The following MPRIP variants were observed in gnomAD, a reference collection of about 807,000 sequenced individuals.
MPRIP encodes the protein myosin phosphatase Rho-interacting protein.
Under a neutral mutation model 234.9 loss-of-function variants are expected in MPRIP, and 59 were observed. The ratio of observed to expected loss-of-function variants is 0.25; its 90% CI spans 0.20 to 0.31. MPRIP has a LOEUF of 0.31. MPRIP is among the 10% of genes least tolerant of loss of function. The pLI is 1.00. For synonymous variants in MPRIP, 1,144 were observed against 1,263.9 expected (o/e 0.91, Z 2.01); for missense variants, 2,436 against 3,071.0 (o/e 0.79, Z 4.89).
intron 3 of MPRIP, among the ~76,000 whole-genome samples, chr17:17,125,305 C>G (rs2090470356): frequency 6.6e-6 from 1 of 152,234 alleles, no homozygotes; most frequent in African/African-American, 2.4e-5. Flanking sequence ...TCCCTGTGAG[C>G]CCAGCCTCCA....
intron 16 of MPRIP, among the ~76,000 whole-genome samples, chr17:17,169,708 TAGAC>T (rs2046087875): frequency 6.6e-6 from 1 of 152,174 alleles, no homozygotes; most frequent in Non-Finnish European, 1.5e-5. Context: ...AACTTGTAAA[TAGAC>T]AGCACCTTGA....
chr17:17,172,756 C>G lies in MPRIP; in HGVS notation c.6531C>G (p.Ser2177Arg). 1 of 1,612,326 alleles carries G rather than the reference C, an allele frequency of 6.2e-7. No homozygotes were observed. The highest frequency in any genetic ancestry group is 8.5e-7 in the Non-Finnish European group (1 of 1,180,008). ...AAATGGAGCGGGAGCTGGAGAAGAGCCAGCGGTCCCAGATCAGCAGCGTCA... is the reference window on the plus strand; with the variant it reads ...AAATGGAGCGGGAGCTGGAGAAGAGGCAGCGGTCCCAGATCAGCAGCGTCA... ...REEMERELEKSQRSQISSVNS... is the reference protein window; with the variant it reads ...REEMERELEKRQRSQISSVNS... The change falls in exon 18 of 24, where the codon AGC becomes AGG. Residue 2177 changes from serine to arginine, a missense_variant. Transcript: ENST00000651222.
intron 1 of MPRIP, among the ~76,000 whole-genome samples, chr17:17,064,207 T>TTG (rs1555562429): frequency 1.9e-4 from 22 of 117,964 alleles, no homozygotes; most frequent in African/African-American, 7.0e-4. Context: ...TTTTGTTTTG[T>TTG]TTTTTTTTTT....
chr17:17,090,634 C>G (rs1055956693), intron 3 of MPRIP, among the ~76,000 whole-genome samples: 1 of 152,212 alleles, frequency 6.6e-6, no homozygotes, highest in Non-Finnish European at 1.5e-5. Flanking sequence ...TTGGAACCAG[C>G]AAGCGTCTGT....
chr17:17,151,906 C>G (rs1478169341), intron 12 of MPRIP, among the ~76,000 whole-genome samples: 1 of 152,254 alleles, frequency 6.6e-6, no homozygotes, highest in East Asian at 1.9e-4. Flanking sequence ...AGGCTAGACT[C>G]TGGTGGGCTC....
At chr17:17,049,083 T>A (rs1221753215) in intron 1 of MPRIP, among the ~76,000 whole-genome samples, 1 of 152,082 alleles carries the variant, frequency 6.6e-6, no homozygotes, top group African/African-American at 2.4e-5. Flanking sequence ...ACATGAAAGG[T>A]CATGTGTCAC....
At chr17:17,089,948 T>C (rs1158250613) in intron 3 of MPRIP, among the ~76,000 whole-genome samples, 1 of 152,066 alleles carries the variant, frequency 6.6e-6, no homozygotes, top group Non-Finnish European at 1.5e-5. Flanking sequence ...TTTCCCTGAC[T>C]CAAGTCAGCG....
chr17:17,066,166 A>G (rs1567691732), intron 1 of MPRIP, among the ~76,000 whole-genome samples: 1 of 152,182 alleles, frequency 6.6e-6, no homozygotes, highest in Non-Finnish European at 1.5e-5. Flanking sequence ...AAATTCGCGC[A>G]CTATGTTGAA....
intron 16 of MPRIP, chr17:17,168,363 C>T (rs1471980511): frequency 4.2e-6 from 1 of 235,930 alleles, no homozygotes; most frequent in African/African-American, 2.3e-5. Context: ...AGAGCCAGGG[C>T]CCAGTTGGAG....
chr17:17,070,786 C>G (rs1310945814), intron 1 of MPRIP, among the ~76,000 whole-genome samples: 2 of 152,198 alleles, frequency 1.3e-5, no homozygotes, highest in Non-Finnish European at 2.9e-5. Flanking sequence ...TGTGACCTTC[C>G]TGGTTCTTGG....
intron 3 of MPRIP, among the ~76,000 whole-genome samples, chr17:17,085,610 G>A (rs1266318859): frequency 6.6e-5 from 10 of 152,220 alleles, no homozygotes; most frequent in Non-Finnish European, 1.5e-4. Flanking sequence ...CCTGGCAGCT[G>A]CAGAAAAGAA....
intron 1 of MPRIP, among the ~76,000 whole-genome samples, chr17:17,065,341 G>A (rs981550968): frequency 4.6e-4 from 64 of 138,924 alleles, no homozygotes; most frequent in African/African-American, 1.6e-3. Context: ...ATTTTGTCTT[G>A]TTTTTTGTAT....
At chr17:17,123,075 G>C (rs2144365181) in intron 3 of MPRIP, among the ~76,000 whole-genome samples, 1 of 152,108 alleles carries the variant, frequency 6.6e-6, no homozygotes, top group African/African-American at 2.4e-5. Context: ...GCAATGCGGA[G>C]GAACCTTGAA....
chr17:17,088,494 C>T lies in MPRIP; in HGVS notation c.267+10418C>T, dbSNP rs116528730. ...AAAAGTCATTTCATGGGAGGTGCAA[C>T]AGAAAATATTTAGGGTTGAAAAAGC... On this transcript the variant is annotated intron_variant, in intron 3 of 23. Transcript: ENST00000651222. Among the ~76,000 whole-genome samples, 330 of 152,276 alleles carry T rather than the reference C, an allele frequency of 2.2e-3. 1 individual carries two copies. Among genetic ancestry groups the T allele is most frequent in the African/African-American group, 7.6e-3 (314 of 41,552 alleles).
rs183122489 is a variant in MPRIP at position 17,127,920 on chromosome 17, T to C, written c.419+1067T>C. Among the ~76,000 whole-genome samples the C allele has an allele frequency of 2.0e-5, 3 of 152,168 alleles. No individual in the cohort carries two copies. The East Asian group carries it at 5.8e-4, about 29-fold the overall frequency. The stretch of plus-strand genomic sequence containing the variant: ...AGCCAGTGCTGGGTCCCGGGGGCGC[T>C]CTCTGCGGGGGTGTGCTCTCCCCTA... On this transcript the variant is annotated intron_variant, in intron 4 of 23. Coordinates refer to ENST00000651222, the MANE Select transcript of MPRIP (RefSeq NM_001364716.4).
In MPRIP at chr17:17,136,649, C is replaced by G. The variant is rs2090706910; in HGVS notation, c.736+199C>G. Among the ~76,000 whole-genome samples, 3 of 152,256 alleles carry G rather than the reference C, an allele frequency of 2.0e-5. No homozygotes were observed. The South Asian group carries it at 6.2e-4, about 31-fold the overall frequency. On this transcript the variant is annotated intron_variant, in intron 6 of 23. Coordinates refer to ENST00000651222, the MANE Select transcript of MPRIP (RefSeq NM_001364716.4). ...GGCTCCAGTCTTGGCCTTGCCCCTT[C>G]TAGCTCTTAAATCCCATCTTTAAAG...
Position 17,166,994 on chromosome 17 carries a change from A to G in MPRIP, c.5403A>G (p.Pro1801=), listed in dbSNP as rs1408133135. 1.5e-6 allele frequency: 2 copies of G among 1,304,120 alleles called. No individual in the cohort carries two copies. The highest frequency in any genetic ancestry group is 1.5e-5 in the African/African-American group (1 of 65,870). The allele number at this position is 1,304,120 out of a possible 1,614,324, so 80.8% of individuals were successfully genotyped here. A position where few individuals can be genotyped will look rare whatever the true frequency, so the allele number is the denominator to read the frequency against. The change falls in exon 16 of 24, where the codon CCA becomes CCG. Residue 1801 remains proline, a synonymous_variant. Coordinates refer to ENST00000651222, the MANE Select transcript of MPRIP (RefSeq NM_001364716.4). This position sits in a 1 kb window ranked among gnomAD's most constrained non-coding sequence, Gnocchi z 4.4. Reference sequence around the variant, plus strand: ...TAGAGGAGATAGCGGCTGCCTTACCATCTCTGCCACCTGTGGAATCGCTGA... The same window carrying G: ...TAGAGGAGATAGCGGCTGCCTTACCGTCTCTGCCACCTGTGGAATCGCTGA... The part of the protein sequence containing the change: ...SLLEEIAAAL[P]SLPPVESLRD...
chr17:17,183,469 G>A (rs2046414419), intron 23 of MPRIP, among the ~76,000 whole-genome samples: 1 of 152,218 alleles, frequency 6.6e-6, no homozygotes, highest in Non-Finnish European at 1.5e-5. Flanking sequence ...GCCCGCCTCG[G>A]CCTCCCAAAG....
At position 17,166,080 on chromosome 17, in the gene MPRIP, G is replaced by A; in HGVS notation, c.4489G>A (p.Glu1497Lys). The A allele has an allele frequency of 7.7e-7, 1 of 1,300,204 alleles. No individual in the cohort carries two copies. The highest frequency in any genetic ancestry group is 1.0e-6 in the Non-Finnish European group (1 of 986,174). 80.5% of individuals were successfully genotyped at this position (1,300,204 alleles called of 1,614,324 possible). The change falls in exon 16 of 24, where the codon GAG becomes AAG. Residue 1497 changes from glutamate to lysine, a missense_variant. By Grantham distance (56) the Glu-to-Lys change is moderately conservative. This residue lies in a region of MPRIP where 1,998 missense variants were observed against 2,520.3 expected (regional missense o/e 0.79). Transcript: ENST00000651222. The surrounding 1 kb of genome is among the most constrained non-coding windows in gnomAD (Gnocchi z 4.4). ...TCTGCCTAGGGCCAGCCAGGAGGAT[G>A]AGCAGGACGCACGCGCAGCCTCCCT... ...RSLPRASQED[E>K]QDARAASLAS...
Sources: allele counts gnomAD v4.1 joint callset (sites outside exome capture counted in the v4.1 genomes callset), GRCh38; gene constraint gnomAD v4.1.1; regional missense constraint gnomAD v4.1.1; non-coding constraint Gnocchi (gnomAD v3.1); transcripts MANE v1.5; gene names NCBI Gene and HGNC (gene_info 2026-07-23, HGNC 2026-07-21).